Variants in COL4A5 observed in about 807,000 individuals in gnomAD.
COL4A5 encodes collagen alpha-5(IV) chain.
Under a neutral mutation model 130.2 loss-of-function variants are expected in COL4A5, and 26 were observed. That is an observed-to-expected ratio of 0.20 (90% CI 0.15 to 0.28). The LOEUF (loss-of-function observed/expected upper bound fraction) is 0.28. Ranked by LOEUF, COL4A5 falls within the 10% of genes least tolerant of loss-of-function variation. COL4A5 has a pLI of 1.00. For missense variants in COL4A5, 1,131 were observed against 1,344.3 expected (o/e 0.84, Z 2.48); for synonymous variants, 496 against 439.6 (o/e 1.13, Z -1.60).
intron 2 of COL4A5, among the ~76,000 whole-genome samples, chrX:108,546,164 G>T (rs954543052): frequency 5.4e-5 from 6 of 111,697 alleles, no homozygotes; most frequent in South Asian, 3.7e-4. Context: ...ATGTTAGCTG[G>T]TTATTTTGCT....
chrX:108,580,853 T>C, intron 15 of COL4A5, 115 bp downstream of exon 15: 2 of 956,600 alleles, frequency 2.1e-6, no homozygotes, highest in Non-Finnish European at 3.0e-6. Context: ...ACTGACATTA[T>C]AATGTTGATG....
intron 21 of COL4A5, among the ~76,000 whole-genome samples, chrX:108,595,188 T>A (rs2066493377): frequency 1.8e-5 from 2 of 112,107 alleles, no homozygotes; most frequent in South Asian, 7.5e-4. Flanking sequence ...ATTAAAATAT[T>A]TCATATATAC....
intron 1 of COL4A5, among the ~76,000 whole-genome samples, chrX:108,487,224 C>T (rs2064952885): frequency 9.1e-6 from 1 of 110,041 alleles, no homozygotes; most frequent in African/African-American, 3.3e-5. Flanking sequence ...AACCCCATCT[C>T]TACTAAAAAT....
intron 2 of COL4A5, among the ~76,000 whole-genome samples, chrX:108,548,156 G>A (rs1401133011): frequency 8.9e-6 from 1 of 111,778 alleles, no homozygotes; most frequent in Non-Finnish European, 1.9e-5. Flanking sequence ...GGTGAACCTG[G>A]CACCTCAGTT....
chrX:108,521,208 C>T (rs746643806), intron 1 of COL4A5, among the ~76,000 whole-genome samples: 1 of 111,119 alleles, frequency 9.0e-6, no homozygotes, highest in South Asian at 3.8e-4. Context: ...CCTAAAAAGT[C>T]TTTCATAGCT....
Position 108,591,250 on chromosome X carries a change from C to T in COL4A5, c.1339+19C>T, listed in dbSNP as rs1283409669. ...CCTCCTAGTAAGCTATATTTTTCTCCTATTAAGTTCTATTTTTGTTTTTGT... is the reference window on the plus strand; with the variant it reads ...CCTCCTAGTAAGCTATATTTTTCTCTTATTAAGTTCTATTTTTGTTTTTGT... On this transcript the variant is annotated intron_variant, in intron 20 of 52. Coordinates refer to ENST00000328300, the MANE Select transcript of COL4A5 (RefSeq NM_033380.3). The T allele has an allele frequency of 8.4e-7, 1 of 1,185,284 alleles. No individual in the cohort carries two copies. Among genetic ancestry groups the T allele is most frequent in the East Asian group, 3.0e-5 (1 of 33,687 alleles).
At chrX:108,678,675 G>A (rs919235357) in intron 44 of COL4A5, among the ~76,000 whole-genome samples, 2 of 111,003 alleles carry the variant, frequency 1.8e-5, no homozygotes, top group African/African-American at 6.5e-5. Context: ...AGACGAGCCT[G>A]GACAACATAG....
intron 1 of COL4A5, among the ~76,000 whole-genome samples, chrX:108,507,247 C>CAAAAAAAAAAA (rs1195605237): frequency 2.0e-5 from 1 of 50,877 alleles, no homozygotes. Context: ...ACAACAACAA[C>CAAAAAAAAAAA]AAAAAAAAAA....
At chrX:108,540,784 T>C in intron 2 of COL4A5, among the ~76,000 whole-genome samples, 2 of 112,440 alleles carry the variant, frequency 1.8e-5, no homozygotes, top group Middle Eastern at 9.2e-3. Flanking sequence ...GCATCTCCTA[T>C]TGTACAGATA....
chrX:108,505,989 A>G (rs1302446565), intron 1 of COL4A5, among the ~76,000 whole-genome samples: 1 of 112,234 alleles, frequency 8.9e-6, no homozygotes, highest in African/African-American at 3.2e-5. Flanking sequence ...TTACAATATC[A>G]TTATGAACTC....
chrX:108,591,252 A>G (rs2066429782), intron 20 of COL4A5, 21 bp downstream of exon 20: 2 of 1,184,638 alleles, frequency 1.7e-6, no homozygotes, highest in Non-Finnish European at 2.3e-6. Context: ...TTTTTCTCCT[A>G]TTAAGTTCTA....
At chrX:108,572,541 C>T (rs1603280082) in intron 8 of COL4A5, among the ~76,000 whole-genome samples, 1 of 111,544 alleles carries the variant, frequency 9.0e-6, no homozygotes, top group East Asian at 2.8e-4. Context: ...CCCACCACCT[C>T]ATTCAATTCC....
intron 47 of COL4A5, among the ~76,000 whole-genome samples, chrX:108,685,528 A>G (rs1195580562): frequency 8.9e-6 from 1 of 112,363 alleles, no homozygotes; most frequent in African/African-American, 3.2e-5. Flanking sequence ...ATCCAGCAGA[A>G]AGATTGAAGG....
At chrX:108,568,707 C>T (rs1226533182) in intron 5 of COL4A5, 34 bp downstream of exon 5, 14 of 1,195,972 alleles carry the variant, frequency 1.2e-5, no homozygotes, top group Non-Finnish European at 1.4e-5. Flanking sequence ...TTTGAAATCT[C>T]TTGAAAAGTA....
In COL4A5 at chrX:108,684,797, C is replaced by G. The variant is rs945650240; in HGVS notation, c.4217-1234C>G. On this transcript the variant is annotated intron_variant, in intron 47 of 52. Transcript: ENST00000328300. The stretch of plus-strand genomic sequence containing the variant: ...ATACCAAAACCTGGCAGAGACACAA[C>G]AAAAAAAGAAAATTTCAGTCCAACG... Among the ~76,000 whole-genome samples, 3 of 111,897 alleles carry G rather than the reference C, an allele frequency of 2.7e-5. 1 individual carries two copies. The highest frequency in any genetic ancestry group is 9.8e-5 in the African/African-American group (3 of 30,754).
chrX:108,578,636 T>C (rs747540729), intron 13 of COL4A5, among the ~76,000 whole-genome samples: 67 of 110,741 alleles, frequency 6.1e-4, no homozygotes, highest in African/African-American at 1.9e-3. Context: ...TGTGGTTATA[T>C]ATAAGGGTAT....
chrX:108,573,108 A>G (rs1435183352), intron 8 of COL4A5, among the ~76,000 whole-genome samples: 1 of 103,977 alleles, frequency 9.6e-6, no homozygotes, highest in African/African-American at 3.6e-5. Context: ...ACCCAAGCTA[A>G]TTTTCTCCAC....
chrX:108,557,405 G>T (rs2065838324), intron 2 of COL4A5, among the ~76,000 whole-genome samples: 1 of 111,694 alleles, frequency 9.0e-6, no homozygotes, highest in South Asian at 3.7e-4. Flanking sequence ...ACAACAAGGG[G>T]ATATATGTCT....
At chrX:108,532,779 C>T (rs1239561096) in intron 1 of COL4A5, among the ~76,000 whole-genome samples, 2 of 111,405 alleles carry the variant, frequency 1.8e-5, no homozygotes, top group African/African-American at 6.5e-5. Flanking sequence ...AGAAAGAAAG[C>T]AATTCCATTT....
Sources: gnomAD v4.1 joint callset for allele counts (sites outside exome capture counted in the v4.1 genomes callset) on GRCh38, gnomAD v4.1.1 for gene constraint, MANE v1.5 for transcripts, NCBI Gene and HGNC (gene_info 2026-07-23, HGNC 2026-07-21) for gene names.